Variants in ZNF385B observed in about 807,000 individuals in gnomAD.
The protein encoded by ZNF385B is zinc finger protein 533.
A neutral mutation model predicts 39.2 loss-of-function variants in ZNF385B; 23 were observed. The observed-to-expected ratio is 0.59, with a 90% CI of 0.42 to 0.83. ZNF385B has a LOEUF of 0.83. Among genes scored for constraint, ZNF385B ranks in the 40% least tolerant of loss-of-function variants. The pLI, the probability that ZNF385B is intolerant of heterozygous loss-of-function variation, is 0.00. For synonymous variants in ZNF385B, 205 were observed against 222.6 expected (o/e 0.92, Z 0.70); for missense variants, 552 against 598.9 (o/e 0.92, Z 0.82).
intron 1 of ZNF385B, among the ~76,000 whole-genome samples, chr2:179,792,250 C>T (rs2106540833): frequency 6.6e-6 from 1 of 152,110 alleles, no homozygotes; most frequent in East Asian, 1.9e-4. Flanking sequence ...AAGAGGGACC[C>T]CCACAACTCT....
intron 3 of ZNF385B, among the ~76,000 whole-genome samples, chr2:179,706,756 C>G (rs1028518666): frequency 6.6e-5 from 10 of 152,214 alleles, no homozygotes; most frequent in African/African-American, 1.9e-4. Context: ...TGAGCAGTCA[C>G]TGAAGCTGAG....
At chr2:179,497,294 C>A (rs1384575229) in intron 5 of ZNF385B, among the ~76,000 whole-genome samples, 2 of 151,950 alleles carry the variant, frequency 1.3e-5, no homozygotes, top group African/African-American at 4.8e-5. Flanking sequence ...CTACTCTTAG[C>A]CTAAGTAGAA....
At chr2:179,468,549 G>C (rs1040195934) in intron 6 of ZNF385B, among the ~76,000 whole-genome samples, 2 of 151,978 alleles carry the variant, frequency 1.3e-5, no homozygotes, top group African/African-American at 4.8e-5. Flanking sequence ...AATTTTCTAG[G>C]TGAAATGAGA....
chr2:179,755,531 G>A (rs550869536), intron 3 of ZNF385B, among the ~76,000 whole-genome samples: 8 of 152,144 alleles, frequency 5.3e-5, no homozygotes, highest in Non-Finnish European at 1.0e-4. Context: ...TGACAGTGGG[G>A]TGTTAAAGTC....
intron 4 of ZNF385B, among the ~76,000 whole-genome samples, chr2:179,537,740 C>T (rs965885498): frequency 3.4e-5 from 4 of 118,476 alleles, no homozygotes; most frequent in Admixed American, 3.2e-4. Context: ...GACTCTGTCT[C>T]AAAAACAAAC....
intron 1 of ZNF385B, among the ~76,000 whole-genome samples, chr2:179,799,979 G>C (rs1705926299): frequency 6.6e-6 from 1 of 152,042 alleles, no homozygotes; most frequent in Non-Finnish European, 1.5e-5. Context: ...AATCGAACAT[G>C]CTTCAGAATT....
At chr2:179,463,847 T>C (rs1174517825) in intron 6 of ZNF385B, among the ~76,000 whole-genome samples, 1 of 152,246 alleles carries the variant, frequency 6.6e-6, no homozygotes. Context: ...GAATGATTTA[T>C]AATCCTTTGG....
intron 3 of ZNF385B, among the ~76,000 whole-genome samples, chr2:179,691,272 C>T (rs1001530121): frequency 6.6e-6 from 1 of 152,094 alleles, no homozygotes; most frequent in Non-Finnish European, 1.5e-5. Context: ...CAAAATCTAT[C>T]CTTTGTATCA....
chr2:179,769,374 A>G, intron 3 of ZNF385B, 129 bp downstream of exon 3: 2 of 1,388,932 alleles, frequency 1.4e-6, no homozygotes, highest in Admixed American at 2.5e-5. Context: ...TACCTGTAGG[A>G]GAAAGAGTAC....
chr2:179,764,864 G>A (rs369255805), intron 3 of ZNF385B, among the ~76,000 whole-genome samples: 13 of 152,242 alleles, frequency 8.5e-5, no homozygotes, highest in South Asian at 2.1e-4. Context: ...ATTATTCTGC[G>A]TATTTCTTCC....
At chr2:179,613,364 TTGAGTCTCACCCAAGGCCCATCTC>T (rs1329904769) in intron 3 of ZNF385B, among the ~76,000 whole-genome samples, 8 of 152,132 alleles carry the variant, frequency 5.3e-5, no homozygotes, top group Admixed American at 4.6e-4. Context: ...CAGCACATCT[TTGAGTCTCACCCAAGGCCCATCTC>T]TGAGTCTCAC....
chr2:179,514,502 A>C (rs2057938419), intron 5 of ZNF385B, among the ~76,000 whole-genome samples: 1 of 152,212 alleles, frequency 6.6e-6, no homozygotes, highest in Non-Finnish European at 1.5e-5. Flanking sequence ...TACCACATCT[A>C]TAAAAAGAGT....
intron 3 of ZNF385B, among the ~76,000 whole-genome samples, chr2:179,650,898 A>C (rs955398340): frequency 2.0e-5 from 3 of 152,202 alleles, no homozygotes; most frequent in African/African-American, 7.2e-5. Context: ...TCCACTAGAC[A>C]ATTGATACAA....
chr2:179,443,028 A>G lies in ZNF385B; in HGVS notation c.*222T>C. The G allele has an allele frequency of 1.6e-6, 1 of 615,996 alleles. No individual in the cohort carries two copies. Among genetic ancestry groups the G allele is most frequent in the South Asian group, 1.9e-5 (1 of 51,996 alleles). 38.2% of individuals were successfully genotyped at this position (615,996 alleles called of 1,614,324 possible). A position where few individuals can be genotyped will look rare whatever the true frequency, so the allele number is the denominator to read the frequency against. The stretch of plus-strand genomic sequence containing the variant: ...CGGTAGGGTGGGGGAGGAAGTAGGG[A>G]GATAAAGCCTATGCTGCTGATTCCT... On this transcript the variant is annotated 3_prime_UTR_variant, in exon 10 of 10. Coordinates refer to ENST00000410066, the MANE Select transcript of ZNF385B (RefSeq NM_152520.6).
At chr2:179,663,713 C>CAAAAAACAAAAAA (rs772701565) in intron 3 of ZNF385B, among the ~76,000 whole-genome samples, 2 of 67,732 alleles carry the variant, frequency 3.0e-5, no homozygotes, top group African/African-American at 1.4e-4. Context: ...GACTCCGTCT[C>CAAAAAACAAAAAA]AAAAAAAAAA....
intron 3 of ZNF385B, among the ~76,000 whole-genome samples, chr2:179,638,947 AG>A (rs1336648917): frequency 2.7e-4 from 41 of 152,170 alleles, no homozygotes; most frequent in African/African-American, 8.7e-4. Context: ...GGTCAGGGTC[AG>A]TGGCTCATGT....
chr2:179,613,598 C>T (rs1388096633), intron 3 of ZNF385B, among the ~76,000 whole-genome samples: 1 of 152,032 alleles, frequency 6.6e-6, no homozygotes, highest in Non-Finnish European at 1.5e-5. Context: ...CTGCTTGGTG[C>T]CCTATCCTAC....
At chr2:179,529,019 T>A (rs1193901414) in intron 4 of ZNF385B, among the ~76,000 whole-genome samples, 1 of 152,230 alleles carries the variant, frequency 6.6e-6, no homozygotes, top group Non-Finnish European at 1.5e-5. Context: ...GGGACTTAAT[T>A]AAATGTTTAC....
At chr2:179,664,231 T>C (rs542887122) in intron 3 of ZNF385B, among the ~76,000 whole-genome samples, 14 of 152,190 alleles carry the variant, frequency 9.2e-5, no homozygotes, top group Admixed American at 5.9e-4. Flanking sequence ...TAATGCTAAA[T>C]ATTAAGTTCT....
Sources: allele counts gnomAD v4.1 joint callset (sites outside exome capture counted in the v4.1 genomes callset), GRCh38; gene constraint gnomAD v4.1.1; transcripts MANE v1.5; gene names NCBI Gene and HGNC (gene_info 2026-07-23, HGNC 2026-07-21).